SYT1: variants seen among roughly 807,000 people sequenced by gnomAD.
The protein encoded by SYT1 is synaptotagmin 1.
SYT1 carries 8 observed loss-of-function variants against 44.8 expected under a neutral mutation model. The ratio of observed to expected loss-of-function variants is 0.18; its 90% CI spans 0.10 to 0.32. The LOEUF (loss-of-function observed/expected upper bound fraction) is 0.32. SYT1 is among the 10% of genes least tolerant of loss of function. The pLI is 1.00. For synonymous variants in SYT1, 154 were observed against 188.8 expected, an observed-to-expected ratio of 0.82 and a Z score of 1.51; for missense variants, 286 against 509.3, an observed-to-expected ratio of 0.56 and a Z score of 4.22.
intron 2 of SYT1, among the ~76,000 whole-genome samples, chr12:78,999,472 C>T (rs539761846): frequency 2.0e-5 from 3 of 152,264 alleles, no homozygotes; most frequent in African/African-American, 7.2e-5. Flanking sequence ...TCTGACAGCC[C>T]TTCTAATGAC....
At chr12:79,273,685 A>G (rs1592919772) in intron 4 of SYT1, among the ~76,000 whole-genome samples, 1 of 152,168 alleles carries the variant, frequency 6.6e-6, no homozygotes, top group Admixed American at 6.5e-5. Flanking sequence ...CTTTGCAGGC[A>G]CTCCTAGACC....
At chr12:79,356,134 G>A (rs1410657361) in intron 9 of SYT1, among the ~76,000 whole-genome samples, 2 of 150,288 alleles carry the variant, frequency 1.3e-5, no homozygotes, top group East Asian at 2.0e-4. Flanking sequence ...GAACAACCAC[G>A]GGGCTTCTGG....
intron 1 of SYT1, among the ~76,000 whole-genome samples, chr12:78,944,797 A>G (rs946432194): frequency 6.6e-6 from 1 of 152,134 alleles, no homozygotes; most frequent in African/African-American, 2.4e-5. Context: ...CTAAATTTTG[A>G]TTTTAATCAA....
intron 4 of SYT1, among the ~76,000 whole-genome samples, chr12:79,229,474 C>T (rs1875729027): frequency 6.6e-6 from 1 of 152,054 alleles, no homozygotes; most frequent in Admixed American, 6.5e-5. Context: ...TTAATTTTGA[C>T]TCAAAATATA....
At chr12:78,893,641 G>A (rs886559101) in intron 1 of SYT1, among the ~76,000 whole-genome samples, 3 of 151,632 alleles carry the variant, frequency 2.0e-5, no homozygotes, top group African/African-American at 7.3e-5. Context: ...CTTACACTAG[G>A]CCAGTAGATG....
intron 7 of SYT1, among the ~76,000 whole-genome samples, chr12:79,297,351 C>T (rs146177944): frequency 0.039 from 5,934 of 152,154 alleles, 193 homozygotes; most frequent in Non-Finnish European, 0.051. Flanking sequence ...AGTCAACATA[C>T]TACGAAACGT....
intron 9 of SYT1, among the ~76,000 whole-genome samples, chr12:79,367,781 A>G (rs1883609113): frequency 1.3e-5 from 2 of 152,152 alleles, no homozygotes; most frequent in Admixed American, 6.5e-5. Context: ...GTTCAGTTAA[A>G]GCATATACTA....
intron 1 of SYT1, among the ~76,000 whole-genome samples, chr12:78,938,351 G>C (rs759585961): frequency 1.3e-5 from 2 of 152,090 alleles, no homozygotes; most frequent in Non-Finnish European, 2.9e-5. Flanking sequence ...AGTTTAATAG[G>C]ATAAAGCTAG....
chr12:78,976,713 G>A (rs1158818742), intron 1 of SYT1: 1 of 152,038 alleles, frequency 6.6e-6, no homozygotes, highest in Non-Finnish European at 1.5e-5. Context: ...GGAGTCACTG[G>A]AATCGACAAA....
At chr12:79,067,307 A>T (rs903968884) in intron 3 of SYT1, among the ~76,000 whole-genome samples, 3 of 152,114 alleles carry the variant, frequency 2.0e-5, no homozygotes, top group African/African-American at 7.2e-5. Context: ...TGGGTATTTA[A>T]CTCCTACAGT....
chr12:79,444,258 A>C, intron 10 of SYT1, 52 bp downstream of exon 10: 4 of 1,602,398 alleles, frequency 2.5e-6, no homozygotes, highest in Non-Finnish European at 2.6e-6. Flanking sequence ...CCTTCAGACC[A>C]CATAAATTAT....
At position 79,110,545 on chromosome 12, in the gene SYT1, C is replaced by T. The variant is rs113523898; in HGVS notation, c.-18+63183C>T. ...TACAGATTTACAAATAGCATGTTTTCACTTTCATTCTAAAACTAATTATTG... is the reference window on the plus strand; with the variant it reads ...TACAGATTTACAAATAGCATGTTTTTACTTTCATTCTAAAACTAATTATTG... On this transcript the variant is annotated intron_variant, in intron 3 of 10. Coordinates refer to ENST00000261205, the MANE Select transcript of SYT1 (RefSeq NM_005639.3). Among the ~76,000 whole-genome samples the T allele has an allele frequency of 5.2e-3, 794 of 152,198 alleles. 10 individuals carry two copies. The highest frequency in any genetic ancestry group is 0.017 in the Middle Eastern group (5 of 292).
At chr12:79,311,172 A>G (rs1023198811) in intron 8 of SYT1, among the ~76,000 whole-genome samples, 11 of 152,202 alleles carry the variant, frequency 7.2e-5, no homozygotes, top group Non-Finnish European at 1.5e-4. Context: ...AGCTCTTATT[A>G]TTTTGAGATA....
At chr12:79,067,252 T>C (rs1875936365) in intron 3 of SYT1, among the ~76,000 whole-genome samples, 2 of 152,308 alleles carry the variant, frequency 1.3e-5, no homozygotes, top group African/African-American at 4.8e-5. Flanking sequence ...AGCTCATACC[T>C]ATCTATTTTT....
intron 1 of SYT1, among the ~76,000 whole-genome samples, chr12:78,919,836 A>C (rs1876879019): frequency 6.6e-6 from 1 of 152,006 alleles, no homozygotes; most frequent in Non-Finnish European, 1.5e-5. Flanking sequence ...TTACCTGTCC[A>C]AGAAAGTCTA....
chr12:79,412,196 C>A (rs889450949), intron 9 of SYT1, among the ~76,000 whole-genome samples: 1 of 152,138 alleles, frequency 6.6e-6, no homozygotes, highest in Non-Finnish European at 1.5e-5. Context: ...TGCCATGATT[C>A]TTCCCTTGGG....
rs376886583 is a variant in SYT1, at chr12:79,368,946, T to C, written c.928+15327T>C. Among the ~76,000 whole-genome samples, 8 of 152,324 alleles carry C rather than the reference T, an allele frequency of 5.3e-5. No homozygotes were observed. In the East Asian group the frequency reaches 1.4e-3, roughly 26 times the overall value. Reference sequence around the variant, plus strand: ...TTTTGGCTTTTGTTGCCATTGCTTTTGGTGTTTTAGACATGAAGTCCTTGC... The same window carrying C: ...TTTTGGCTTTTGTTGCCATTGCTTTCGGTGTTTTAGACATGAAGTCCTTGC... On this transcript the variant is annotated intron_variant, in intron 9 of 10. Transcript: ENST00000261205.
intron 9 of SYT1, among the ~76,000 whole-genome samples, chr12:79,370,706 T>C (rs1883750543): frequency 6.6e-6 from 1 of 151,900 alleles, no homozygotes; most frequent in Non-Finnish European, 1.5e-5. Context: ...GAGCTTGCAG[T>C]GAGCAGAGAT....
chr12:78,886,456 G>T (rs1273136981), intron 1 of SYT1, among the ~76,000 whole-genome samples: 1 of 151,944 alleles, frequency 6.6e-6, no homozygotes, highest in Non-Finnish European at 1.5e-5. Flanking sequence ...GGCTGATTTT[G>T]ACAGTTGTAA....
Sources: gnomAD v4.1 joint callset for allele counts (sites outside exome capture counted in the v4.1 genomes callset) on GRCh38, gnomAD v4.1.1 for gene constraint, MANE v1.5 for transcripts, NCBI Gene and HGNC (gene_info 2026-07-23, HGNC 2026-07-21) for gene names.